C4orf51: variants seen among roughly 807,000 people sequenced by gnomAD.
C4orf51 encodes the protein chromosome 4 open reading frame 51.
Under a neutral mutation model 25.2 loss-of-function variants are expected in C4orf51, and 25 were observed. The observed-to-expected ratio is 0.99, with a 90% CI of 0.72 to 1.39. The LOEUF is 1.39. Among genes scored for constraint, C4orf51 ranks in the 40% most tolerant of loss-of-function variants. The pLI is 0.00. For missense variants in C4orf51, 252 were observed against 239.6 expected (o/e 1.05, Z -0.34); for synonymous variants, 100 against 84.5 (o/e 1.18, Z -1.01).
chr4:145,708,951 T>C (rs954530397), intron 2 of C4orf51, among the ~76,000 whole-genome samples: 4 of 152,210 alleles, frequency 2.6e-5, no homozygotes, highest in African/African-American at 7.2e-5. Context: ...TTCCTTTGAA[T>C]ATGACCTTGA....
At chr4:145,735,253 G>A (rs1560857759), downstream of C4orf51, among the ~76,000 whole-genome samples, 1 of 152,172 alleles carries the variant, frequency 6.6e-6, no homozygotes, top group Non-Finnish European at 1.5e-5. Flanking sequence ...ATTGTCAGAT[G>A]CCAGTAGGGT....
chr4:145,689,196 G>C (rs552239439), intron 1 of C4orf51, among the ~76,000 whole-genome samples: 1 of 152,240 alleles, frequency 6.6e-6, no homozygotes, highest in South Asian at 2.1e-4. Flanking sequence ...AGAATATCTT[G>C]ATGATTTCAA....
chr4:145,736,800 A>G (rs915114449), downstream of C4orf51, among the ~76,000 whole-genome samples: 17 of 152,160 alleles, frequency 1.1e-4, no homozygotes, highest in Admixed American at 8.5e-4. Context: ...AAAAAAGTTC[A>G]AGTGAGAGAT....
chr4:145,707,652 G>T (rs558421454), intron 2 of C4orf51, among the ~76,000 whole-genome samples: 1 of 152,174 alleles, frequency 6.6e-6, no homozygotes, highest in South Asian at 2.1e-4. Flanking sequence ...AAGAGGTGTT[G>T]GGTATTTAGA....
At chr4:145,723,466 C>T (rs1012017545) in intron 2 of C4orf51, among the ~76,000 whole-genome samples, 1 of 151,714 alleles carries the variant, frequency 6.6e-6, no homozygotes, top group Non-Finnish European at 1.5e-5. Context: ...ATGACAGACA[C>T]CCAGTAGGTG....
At chr4:145,736,474 G>T (rs1264281924), downstream of C4orf51, among the ~76,000 whole-genome samples, 2 of 152,068 alleles carry the variant, frequency 1.3e-5, no homozygotes, top group Non-Finnish European at 2.9e-5. Flanking sequence ...GTAACCTGAG[G>T]CCTCCTCTCA....
chr4:145,751,722 A>T (rs1191584697), intron 1 of C4orf51, among the ~76,000 whole-genome samples: 3 of 152,200 alleles, frequency 2.0e-5, no homozygotes, highest in Admixed American at 2.0e-4. Context: ...CCTTCCTTTC[A>T]GGTCAGTGAG....
chr4:145,728,004 A>T (rs1732192960), intron 3 of C4orf51, among the ~76,000 whole-genome samples: 1 of 133,348 alleles, frequency 7.5e-6, no homozygotes, highest in South Asian at 2.2e-4. Context: ...TATTATATAT[A>T]TAATGTGTGT....
At chr4:145,751,621 T>C (rs1334963456) in intron 1 of C4orf51, among the ~76,000 whole-genome samples, 1 of 152,324 alleles carries the variant, frequency 6.6e-6, no homozygotes, top group African/African-American at 2.4e-5. Context: ...AAAGGCCTAC[T>C]GTAACTACTG....
chr4:145,719,588 C>CAAAA (rs57272346), intron 2 of C4orf51, among the ~76,000 whole-genome samples: 96 of 90,082 alleles, frequency 1.1e-3, no homozygotes, highest in Middle Eastern at 5.6e-3. Context: ...GACTCTGTCT[C>CAAAA]AAAAAAAAAA....
intron 1 of C4orf51, among the ~76,000 whole-genome samples, chr4:145,738,168 A>G (rs1479970971): frequency 6.6e-6 from 1 of 152,174 alleles, no homozygotes; most frequent in Non-Finnish European, 1.5e-5. Flanking sequence ...ATATACTCCC[A>G]GCAGGGCTCA....
intron 2 of C4orf51, among the ~76,000 whole-genome samples, chr4:145,702,916 C>T (rs1445851623): frequency 6.6e-6 from 1 of 151,876 alleles, no homozygotes; most frequent in Non-Finnish European, 1.5e-5. Flanking sequence ...TAGGTTCCCA[C>T]GCCGCCCCTA....
chr4:145,734,315 C>T (rs1369216454), downstream of C4orf51, among the ~76,000 whole-genome samples: 1 of 152,040 alleles, frequency 6.6e-6, no homozygotes, highest in Non-Finnish European at 1.5e-5. Context: ...TAGGATTCAT[C>T]CGAGATGTAT....
At chr4:145,766,535 T>C (rs903319310) in intron 1 of C4orf51, among the ~76,000 whole-genome samples, 11 of 152,164 alleles carry the variant, frequency 7.2e-5, no homozygotes, top group Admixed American at 7.2e-4. Flanking sequence ...AGGTGGAACC[T>C]GACAGACTCC....
chr4:145,773,574 C>T (rs1433589366), downstream of C4orf51, among the ~76,000 whole-genome samples: 1 of 152,240 alleles, frequency 6.6e-6, no homozygotes, highest in Non-Finnish European at 1.5e-5. Context: ...AGCTCCTCCT[C>T]ATTCTCACTT....
At position 145,763,866 on chromosome 4, in the gene C4orf51, C is replaced by T. The variant is rs1226482578; in HGVS notation, n.167-7122C>T. Among the ~76,000 whole-genome samples, 1 of 152,164 alleles carries T rather than the reference C, an allele frequency of 6.6e-6. No individual in the cohort carries two copies. ...TCCCTTCTGCCCTCCCCTCCCCCTC[C>T]CCCAAGAGTGAAACGAAATGGAGTT... On this transcript the variant is annotated intron_variant and non_coding_transcript_variant, in intron 1 of 1. Transcript: ENST00000510096. The surrounding 1 kb of genome is among the most constrained non-coding windows in gnomAD (Gnocchi z 4.6).
At chr4:145,704,129 G>A (rs1467086343) in intron 2 of C4orf51, among the ~76,000 whole-genome samples, 1 of 152,190 alleles carries the variant, frequency 6.6e-6, no homozygotes, top group African/African-American at 2.4e-5. Context: ...GAGGAGTCTT[G>A]GCTGGCAAAG....
At chr4:145,720,585 C>T (rs530299197) in intron 2 of C4orf51, among the ~76,000 whole-genome samples, 2 of 152,194 alleles carry the variant, frequency 1.3e-5, no homozygotes, top group African/African-American at 4.8e-5. Context: ...TCTTGCTCTT[C>T]CTCCACTCAT....
downstream of C4orf51, among the ~76,000 whole-genome samples, chr4:145,774,218 A>C (rs1010671034): frequency 1.3e-5 from 2 of 152,196 alleles, no homozygotes; most frequent in Non-Finnish European, 2.9e-5. Flanking sequence ...AGACTGTCAC[A>C]TATGGTGATG....
Sources: allele counts gnomAD v4.1 joint callset (sites outside exome capture counted in the v4.1 genomes callset), GRCh38; gene constraint gnomAD v4.1.1; non-coding constraint Gnocchi (gnomAD v3.1); transcripts MANE v1.5; gene names NCBI Gene and HGNC (gene_info 2026-07-23, HGNC 2026-07-21).